ABHD12B: variants seen among roughly 807,000 people sequenced by gnomAD.
ABHD12B encodes the protein abhydrolase domain containing 12B.
Under a neutral mutation model 50.4 loss-of-function variants are expected in ABHD12B, and 42 were observed. That is an observed-to-expected ratio of 0.83 (90% CI 0.65 to 1.08). The LOEUF (loss-of-function observed/expected upper bound fraction) is 1.08. Among genes scored for constraint, ABHD12B ranks in the 50% least tolerant of loss-of-function variants. The pLI, the probability that ABHD12B is intolerant of heterozygous loss-of-function variation, is 0.00. For missense variants in ABHD12B, 479 were observed against 447.7 expected (o/e 1.07, Z -0.63); for synonymous variants, 167 against 160.3 (o/e 1.04, Z -0.32).
At chr14:50,872,619 A>G (rs2049802691) in intron 1 of ABHD12B, among the ~76,000 whole-genome samples, 1 of 152,236 alleles carries the variant, frequency 6.6e-6, no homozygotes, top group Admixed American at 6.5e-5. Context: ...TTGCTAACAT[A>G]CAAGATGGAT....
intron 9 of ABHD12B, among the ~76,000 whole-genome samples, chr14:50,897,636 G>A (rs1377598342): frequency 6.6e-6 from 1 of 152,210 alleles, no homozygotes; most frequent in East Asian, 1.9e-4. Context: ...AAGGCAGCAT[G>A]ATGTTGTGGA....
At chr14:50,901,691 C>T (rs1014149518) in intron 9 of ABHD12B, 138 bp from the exon 10 acceptor site, 4 of 438,300 alleles carry the variant, frequency 9.1e-6, no homozygotes, top group African/African-American at 2.0e-5. Flanking sequence ...CTTTTTAAAT[C>T]GTAGAAGTTT....
intron 10 of ABHD12B, 122 bp downstream of exon 10, chr14:50,902,033 A>G: frequency 1.6e-6 from 1 of 639,116 alleles, no homozygotes; most frequent in Non-Finnish European, 2.6e-6. Flanking sequence ...TTCTTAGAAT[A>G]TTGTTCTGCG....
At chr14:50,884,482 C>T (rs1176753451) in intron 5 of ABHD12B, among the ~76,000 whole-genome samples, 1 of 152,194 alleles carries the variant, frequency 6.6e-6, no homozygotes, top group Non-Finnish European at 1.5e-5. Flanking sequence ...AGTATTTGGA[C>T]AGGGGCAGAC....
At chr14:50,889,936 T>C (rs2050096222) in intron 9 of ABHD12B, among the ~76,000 whole-genome samples, 1 of 152,222 alleles carries the variant, frequency 6.6e-6, no homozygotes, top group Non-Finnish European at 1.5e-5. Context: ...TGAAACTTAC[T>C]TAACTATTTT....
chr14:50,878,093 T>C lies in ABHD12B; in HGVS notation c.232+14T>C, dbSNP rs1279793730. 6.0e-6 allele frequency: 9 copies of C among 1,502,836 alleles called. No individual in the cohort carries two copies. Among genetic ancestry groups the C allele is most frequent in the Non-Finnish European group, 8.0e-6 (9 of 1,132,022 alleles). 93.1% of individuals were successfully genotyped at this position (1,502,836 alleles called of 1,614,324 possible). On this transcript the variant is annotated intron_variant, in intron 2 of 12. Transcript: ENST00000337334. ...ATTTTAATTTTTGTAAGTATGGACC[T>C]TCCATAAATTTTCCTATATAATTTT...
rs149173398 is a variant in ABHD12B, at chr14:50,901,296, T to A, written c.781-533T>A. On this transcript the variant is annotated intron_variant, in intron 9 of 12. Coordinates refer to ENST00000337334, the MANE Select transcript of ABHD12B (RefSeq NM_001206673.2). ...GCTATTAAACAACAAATTTAGTATG[T>A]CTAGAGTGAGCATTGTTATATCTGG... Among the ~76,000 whole-genome samples, 402 of 152,334 alleles carry A rather than the reference T, an allele frequency of 2.6e-3. 1 individual carries two copies. Among genetic ancestry groups the A allele is most frequent in the African/African-American group, 9.2e-3 (383 of 41,576 alleles).
At chr14:50,887,704 T>A (rs904461371) in intron 8 of ABHD12B, among the ~76,000 whole-genome samples, 1 of 152,214 alleles carries the variant, frequency 6.6e-6, no homozygotes, top group African/African-American at 2.4e-5. Context: ...TAGGGACAGA[T>A]CACCTTAATC....
intron 5 of ABHD12B, among the ~76,000 whole-genome samples, chr14:50,883,236 C>G (rs2049984473): frequency 6.6e-6 from 1 of 152,190 alleles, no homozygotes; most frequent in South Asian, 2.1e-4. Context: ...CGGCTGGTGA[C>G]CACAGGGACT....
chr14:50,899,778 T>C (rs961864496), intron 9 of ABHD12B, among the ~76,000 whole-genome samples: 2 of 151,974 alleles, frequency 1.3e-5, no homozygotes, highest in Admixed American at 6.6e-5. Flanking sequence ...CAAAATTACC[T>C]GGGCGTGGTG....
intron 9 of ABHD12B, among the ~76,000 whole-genome samples, chr14:50,894,537 A>G (rs965934989): frequency 1.3e-5 from 2 of 152,010 alleles, no homozygotes; most frequent in Non-Finnish European, 2.9e-5. Context: ...CTAAAATCTA[A>G]ATGACTTATT....
rs2050027035 is a variant in ABHD12B at position 50,885,773 on chromosome 14, G to A, written c.540G>A (p.Gly180=). ...GCCTTTTCTTGCTGCCAGGATTTGG[G>A]GACTCTACAGGTAAGCCCACAGAGG... ...HVLSVDYRGF[G]DSTGKPTEEG... Residue 180 remains glycine (G), a synonymous_variant, in exon 7 of 13, where the codon GGG becomes GGA. Coordinates refer to ENST00000337334, the MANE Select transcript of ABHD12B (RefSeq NM_001206673.2). 1.2e-6 allele frequency: 2 copies of A among 1,614,138 alleles called. No individual in the cohort carries two copies. The highest frequency in any genetic ancestry group is 8.5e-7 in the Non-Finnish European group (1 of 1,180,034).
At chr14:50,873,534 T>A (rs1250386040) in intron 1 of ABHD12B, among the ~76,000 whole-genome samples, 1 of 152,186 alleles carries the variant, frequency 6.6e-6, no homozygotes, top group Non-Finnish European at 1.5e-5. Context: ...TATTCCTTTT[T>A]ATTCTCATTG....
At chr14:50,893,270 T>C (rs2050144696) in intron 9 of ABHD12B, 1 of 154,570 alleles carries the variant, frequency 6.5e-6, no homozygotes, top group Non-Finnish European at 1.4e-5. Flanking sequence ...GAATATGCCC[T>C]GCCCCACCTT....
At chr14:50,902,955 T>C (rs1170676984) in intron 10 of ABHD12B, among the ~76,000 whole-genome samples, 3 of 152,256 alleles carry the variant, frequency 2.0e-5, no homozygotes, top group Admixed American at 6.5e-5. Context: ...AAGAGGTCTC[T>C]GATTCTGTCA....
chr14:50,873,005 T>C (rs1288123668), intron 1 of ABHD12B, among the ~76,000 whole-genome samples: 6 of 152,294 alleles, frequency 3.9e-5, no homozygotes, highest in Admixed American at 2.0e-4. Context: ...TGAAGCCAGG[T>C]ATTGGTTGGA....
intron 9 of ABHD12B, among the ~76,000 whole-genome samples, chr14:50,899,577 C>A (rs954314637): frequency 6.6e-6 from 1 of 152,168 alleles, no homozygotes; most frequent in Non-Finnish European, 1.5e-5. Context: ...CCATTTACTA[C>A]CCCCTCTACC....
At chr14:50,884,119 G>C (rs965337670) in intron 5 of ABHD12B, among the ~76,000 whole-genome samples, 2 of 152,180 alleles carry the variant, frequency 1.3e-5, no homozygotes, top group Admixed American at 1.3e-4. Context: ...ACTGCTATTG[G>C]ATATAAGATT....
In ABHD12B at chr14:50,880,588, AC is replaced by A; in HGVS notation, c.455+18del. On this transcript the variant is annotated intron_variant, in intron 4 of 12. Coordinates refer to ENST00000337334, the MANE Select transcript of ABHD12B (RefSeq NM_001206673.2). ...AGAACACAGGTCAGTGGCTCTGCTT[AC>A]ATATTTTTTTTTCAGGAGATTGAGA... is the stretch of plus-strand genomic sequence containing the variant. The A allele has an allele frequency of 6.5e-7, 1 of 1,540,500 alleles. No homozygotes were observed. The highest frequency in any genetic ancestry group is 1.4e-5 in the African/African-American group (1 of 71,444).
Sources: allele counts gnomAD v4.1 joint callset (sites outside exome capture counted in the v4.1 genomes callset), GRCh38; gene constraint gnomAD v4.1.1; transcripts MANE v1.5; gene names NCBI Gene and HGNC (gene_info 2026-07-23, HGNC 2026-07-21).